SUPT3H: variants seen among roughly 807,000 people sequenced by gnomAD.
The protein encoded by SUPT3H is transcription initiation protein SPT3 homolog.
A neutral mutation model predicts 44.3 loss-of-function variants in SUPT3H; 44 were observed. That is an observed-to-expected ratio of 0.99 (90% CI 0.78 to 1.28). SUPT3H has a LOEUF of 1.28. Ranked by LOEUF, SUPT3H falls within the 50% of genes most tolerant of loss-of-function variation. SUPT3H has a pLI of 0.00. For synonymous variants in SUPT3H, 124 were observed against 125.6 expected (o/e 0.99, Z 0.09); for missense variants, 380 against 387.1 (o/e 0.98, Z 0.15).
At chr6:44,928,379 G>A (rs535147298) in intron 10 of SUPT3H, among the ~76,000 whole-genome samples, 2 of 152,150 alleles carry the variant, frequency 1.3e-5, no homozygotes, top group East Asian at 3.9e-4. Context: ...TTCTCTAAAG[G>A]TTCTTTAGAG....
intron 11 of SUPT3H, among the ~76,000 whole-genome samples, chr6:44,819,824 G>A (rs895161727): frequency 6.6e-6 from 1 of 152,038 alleles, no homozygotes; most frequent in African/African-American, 2.4e-5. Context: ...CATATCTAAA[G>A]AACTTCTGCA....
At chr6:45,235,509 T>C (rs1336957273) in intron 2 of SUPT3H, among the ~76,000 whole-genome samples, 2 of 149,312 alleles carry the variant, frequency 1.3e-5, no homozygotes, top group East Asian at 1.9e-4. Flanking sequence ...GATATATACA[T>C]GTGTGTGTGT....
At chr6:44,934,722 AG>A (rs1771141793) in intron 9 of SUPT3H, among the ~76,000 whole-genome samples, 2 of 152,346 alleles carry the variant, frequency 1.3e-5, no homozygotes, top group South Asian at 4.1e-4. Context: ...CCTATGAACC[AG>A]GAAGTGGGCC....
intron 5 of SUPT3H, among the ~76,000 whole-genome samples, chr6:45,010,071 C>A (rs191245204): frequency 2.1e-3 from 314 of 151,894 alleles, no homozygotes; most frequent in African/African-American, 7.1e-3. Flanking sequence ...AATTTTATTC[C>A]AAAATATTTT....
intron 2 of SUPT3H, among the ~76,000 whole-genome samples, chr6:45,228,657 T>C: frequency 6.6e-6 from 1 of 151,318 alleles, no homozygotes; most frequent in South Asian, 2.1e-4. Context: ...ATAAAAAAAA[T>C]TTTTTTTTTG....
intron 2 of SUPT3H, among the ~76,000 whole-genome samples, chr6:45,312,195 C>A (rs1401806426): frequency 6.6e-6 from 1 of 151,976 alleles, no homozygotes; most frequent in Admixed American, 6.6e-5. Flanking sequence ...ACAAAAGAAA[C>A]CTTAAAGCAA....
At position 44,887,867 on chromosome 6, in the gene SUPT3H, G is replaced by A. The variant is rs1349412803; in HGVS notation, c.912+44786C>T. ...AAAGGATCAACAAAATTGATAGACT[G>A]CTAGCAAGACTAATAAAGAAGAAAA... On this transcript the variant is annotated intron_variant, in intron 10 of 10. Coordinates refer to ENST00000371459, the MANE Select transcript of SUPT3H (RefSeq NM_003599.4). Among the ~76,000 whole-genome samples, 30 of 151,988 alleles carry A rather than the reference G, an allele frequency of 2.0e-4. No homozygotes were observed. In the East Asian group the frequency reaches 5.6e-3, roughly 28 times the overall value.
chr6:44,864,779 G>A lies in SUPT3H; in HGVS notation c.913-34922C>T, dbSNP rs544269647. ...AAACACTCTTTTCTCCTAGGCCTCCGGGCCATGATGGGAAGGGCTGCCATG... is the reference window on the plus strand; with the variant it reads ...AAACACTCTTTTCTCCTAGGCCTCCAGGCCATGATGGGAAGGGCTGCCATG... On this transcript the variant is annotated intron_variant, in intron 10 of 10. Coordinates refer to ENST00000371459, the MANE Select transcript of SUPT3H (RefSeq NM_003599.4). Among the ~76,000 whole-genome samples the A allele has an allele frequency of 1.1e-4, 16 of 152,302 alleles. 1 individual carries two copies. The highest frequency in any genetic ancestry group is 2.9e-4 in the African/African-American group (12 of 41,568).
intron 2 of SUPT3H, among the ~76,000 whole-genome samples, chr6:45,177,155 A>G (rs1812100449): frequency 6.6e-6 from 1 of 152,174 alleles, no homozygotes; most frequent in South Asian, 2.1e-4. Flanking sequence ...AAAGGCAAAG[A>G]AGTTGAAAAC....
At chr6:45,172,782 C>T (rs12193682) in intron 2 of SUPT3H, among the ~76,000 whole-genome samples, 34,466 of 151,226 alleles carry the variant, frequency 0.23, 4,594 homozygotes, top group Non-Finnish European at 0.31. Flanking sequence ...ATTGGAGATG[C>T]GGTTTCACCA....
chr6:44,976,470 T>C (rs1778357420), intron 6 of SUPT3H, among the ~76,000 whole-genome samples: 1 of 152,022 alleles, frequency 6.6e-6, no homozygotes, highest in African/African-American at 2.4e-5. Flanking sequence ...CGAGAGATTC[T>C]CCTGCCTCAG....
intron 2 of SUPT3H, among the ~76,000 whole-genome samples, chr6:45,327,076 T>TA (rs1256642881): frequency 2.0e-5 from 3 of 151,942 alleles, no homozygotes; most frequent in African/African-American, 7.2e-5. Flanking sequence ...GCCTATGATA[T>TA]ATAATCATCC....
intron 2 of SUPT3H, among the ~76,000 whole-genome samples, chr6:45,262,462 A>C (rs1774530281): frequency 6.6e-6 from 1 of 152,150 alleles, no homozygotes. Flanking sequence ...TACCATATGC[A>C]GAAGATTGAA....
chr6:44,852,572 C>A (rs1773064430), intron 10 of SUPT3H, among the ~76,000 whole-genome samples: 1 of 152,138 alleles, frequency 6.6e-6, no homozygotes, highest in African/African-American at 2.4e-5. Flanking sequence ...CTCTTCCCAA[C>A]CTCCCACAAG....
intron 2 of SUPT3H, among the ~76,000 whole-genome samples, chr6:45,257,787 C>G (rs1392042577): frequency 6.6e-6 from 1 of 152,140 alleles, no homozygotes; most frequent in Non-Finnish European, 1.5e-5. Context: ...ATGGCCTCAT[C>G]ACCTCTTAAC....
chr6:45,319,477 T>G (rs1015267281), intron 2 of SUPT3H, among the ~76,000 whole-genome samples: 1 of 152,162 alleles, frequency 6.6e-6, no homozygotes, highest in African/African-American at 2.4e-5. Flanking sequence ...TGTAAGCTGT[T>G]ACTTAAAGCC....
At chr6:45,130,596 G>A (rs1053886942) in intron 2 of SUPT3H, among the ~76,000 whole-genome samples, 4 of 145,916 alleles carry the variant, frequency 2.7e-5, no homozygotes, top group Admixed American at 7.1e-5. Flanking sequence ...AATTCTCATC[G>A]TATGAAGTAA....
intron 2 of SUPT3H, among the ~76,000 whole-genome samples, chr6:45,106,313 T>C (rs1004126803): frequency 6.6e-6 from 1 of 152,072 alleles, no homozygotes; most frequent in Admixed American, 6.6e-5. Context: ...GTGCCTATAG[T>C]CCCAGCTACT....
chr6:44,978,687 T>G (rs1294751223), intron 6 of SUPT3H, among the ~76,000 whole-genome samples: 1 of 152,158 alleles, frequency 6.6e-6, no homozygotes, highest in Admixed American at 6.5e-5. Context: ...TCCTTTCTAT[T>G]CGTTCTAAGT....
Sources: allele counts gnomAD v4.1 joint callset (sites outside exome capture counted in the v4.1 genomes callset), GRCh38; gene constraint gnomAD v4.1.1; transcripts MANE v1.5; gene names NCBI Gene and HGNC (gene_info 2026-07-23, HGNC 2026-07-21).